Variants in SPAG16 observed in about 807,000 individuals in gnomAD.
SPAG16 encodes the protein sperm-associated antigen 16 protein.
SPAG16 carries 86 observed loss-of-function variants against 80.4 expected under a neutral mutation model. The ratio of observed to expected loss-of-function variants is 1.07; its 90% CI spans 0.90 to 1.28. SPAG16 has a LOEUF of 1.28. Ranked by LOEUF, SPAG16 falls within the 50% of genes most tolerant of loss-of-function variation. The pLI, the probability that SPAG16 is intolerant of heterozygous loss-of-function variation, is 0.00. For missense variants in SPAG16, 870 were observed against 765.3 expected, an observed-to-expected ratio of 1.14 and a Z score of -1.61; for synonymous variants, 294 against 265.9, an observed-to-expected ratio of 1.11 and a Z score of -1.03.
chr2:213,477,134 A>T (rs537283173), intron 9 of SPAG16, among the ~76,000 whole-genome samples: 1 of 152,242 alleles, frequency 6.6e-6, no homozygotes, highest in Non-Finnish European at 1.5e-5. Flanking sequence ...ACTGAGAGAG[A>T]GTAGATAAGA....
intron 10 of SPAG16, among the ~76,000 whole-genome samples, chr2:213,797,231 G>A (rs1442614919): frequency 6.6e-6 from 1 of 151,870 alleles, no homozygotes; most frequent in South Asian, 2.1e-4. Context: ...ATTTATCATT[G>A]AACAAAATTT....
chr2:214,219,297 G>A (rs536655171), intron 15 of SPAG16, among the ~76,000 whole-genome samples: 151 of 152,124 alleles, frequency 9.9e-4, no homozygotes, highest in Admixed American at 2.9e-3. Flanking sequence ...AGGAGAAACT[G>A]AAAAGTATTG....
At chr2:214,071,503 A>G (rs1353163845) in intron 13 of SPAG16, among the ~76,000 whole-genome samples, 2 of 152,272 alleles carry the variant, frequency 1.3e-5, no homozygotes, top group East Asian at 1.9e-4. Flanking sequence ...AATAATGAAA[A>G]CAACCAAAGG....
chr2:214,188,445 A>G (rs1202775603), intron 15 of SPAG16, among the ~76,000 whole-genome samples: 2 of 152,202 alleles, frequency 1.3e-5, no homozygotes, highest in Non-Finnish European at 2.9e-5. Context: ...AATTACATTT[A>G]GATCTGATTC....
chr2:213,429,653 G>A (rs1414879317), intron 9 of SPAG16, among the ~76,000 whole-genome samples: 2 of 152,124 alleles, frequency 1.3e-5, no homozygotes, highest in East Asian at 1.9e-4. Context: ...TTCTCAGGAG[G>A]ACATGAGTCT....
chr2:213,728,787 G>T (rs1017159994), intron 10 of SPAG16, among the ~76,000 whole-genome samples: 82 of 149,394 alleles, frequency 5.5e-4, no homozygotes, highest in Non-Finnish European at 7.8e-4. Flanking sequence ...TGAGGCAGGA[G>T]AATGGCACGA....
At chr2:214,284,644 G>C (rs1693213979) in intron 15 of SPAG16, among the ~76,000 whole-genome samples, 1 of 152,224 alleles carries the variant, frequency 6.6e-6, no homozygotes, top group South Asian at 2.1e-4. Context: ...GATGCAGAAA[G>C]TTAAGAGTAC....
chr2:214,175,610 A>T (rs2057053948), intron 15 of SPAG16, among the ~76,000 whole-genome samples: 2 of 151,432 alleles, frequency 1.3e-5, no homozygotes. Flanking sequence ...CTCAAAGCCA[A>T]AACAAAAAAG....
intron 15 of SPAG16, among the ~76,000 whole-genome samples, chr2:214,315,510 T>C (rs1695621517): frequency 1.8e-5 from 1 of 55,288 alleles, no homozygotes; most frequent in South Asian, 4.9e-4. Flanking sequence ...TTTTTATTTA[T>C]TTATTTATTT....
intron 12 of SPAG16, among the ~76,000 whole-genome samples, chr2:214,008,115 C>A (rs1022372404): frequency 6.6e-6 from 1 of 151,796 alleles, no homozygotes; most frequent in Non-Finnish European, 1.5e-5. Flanking sequence ...AATCTCTTTT[C>A]ATTCTCACTA....
chr2:213,995,739 G>A (rs2124826792), intron 12 of SPAG16, among the ~76,000 whole-genome samples: 1 of 152,250 alleles, frequency 6.6e-6, no homozygotes, highest in Non-Finnish European at 1.5e-5. Flanking sequence ...CAGCTTCATG[G>A]TAATGTGCCT....
chr2:213,285,380 A>T (rs1426049020), intron 1 of SPAG16, among the ~76,000 whole-genome samples: 4 of 152,176 alleles, frequency 2.6e-5, no homozygotes, highest in Non-Finnish European at 5.9e-5. Context: ...TCCTCTAGTT[A>T]TATAGATTAA....
At chr2:213,947,182 T>A (rs1173690948) in intron 12 of SPAG16, among the ~76,000 whole-genome samples, 1 of 152,208 alleles carries the variant, frequency 6.6e-6, no homozygotes, top group Non-Finnish European at 1.5e-5. Context: ...TGTTTGAACA[T>A]AAGTCTTCAT....
chr2:213,644,787 T>C (rs2062758542), intron 10 of SPAG16, among the ~76,000 whole-genome samples: 1 of 152,320 alleles, frequency 6.6e-6, no homozygotes, highest in South Asian at 2.1e-4. Context: ...ACCACTATGA[T>C]GGTACTGGGT....
chr2:213,854,508 T>G (rs1486264432), intron 10 of SPAG16, among the ~76,000 whole-genome samples: 1 of 152,212 alleles, frequency 6.6e-6, no homozygotes, highest in Non-Finnish European at 1.5e-5. Context: ...AATTAAGTTG[T>G]GGGCCATTCT....
intron 10 of SPAG16, among the ~76,000 whole-genome samples, chr2:213,507,612 C>T (rs2125799017): frequency 6.6e-6 from 1 of 152,302 alleles, no homozygotes; most frequent in Admixed American, 6.5e-5. Context: ...TGAGACAGGG[C>T]CTTATCAACT....
At chr2:213,832,821 A>C (rs981603010) in intron 10 of SPAG16, among the ~76,000 whole-genome samples, 1 of 152,120 alleles carries the variant, frequency 6.6e-6, no homozygotes, top group Non-Finnish European at 1.5e-5. Flanking sequence ...CACGTATGTA[A>C]ATCTTCGATT....
chr2:213,391,784 CTACTT>C (rs2067766753), intron 9 of SPAG16, among the ~76,000 whole-genome samples: 1 of 152,096 alleles, frequency 6.6e-6, no homozygotes, highest in African/African-American at 2.4e-5. Flanking sequence ...TACTTTTTAA[CTACTT>C]TAGCCATTTT....
intron 13 of SPAG16, among the ~76,000 whole-genome samples, chr2:214,055,880 A>G (rs1029480109): frequency 6.6e-6 from 1 of 152,208 alleles, no homozygotes; most frequent in Admixed American, 6.5e-5. Flanking sequence ...CCATGCAATC[A>G]TTTATGAAAG....
Sources: allele counts gnomAD v4.1 joint callset (sites outside exome capture counted in the v4.1 genomes callset), GRCh38; gene constraint gnomAD v4.1.1; transcripts MANE v1.5; gene names NCBI Gene and HGNC (gene_info 2026-07-23, HGNC 2026-07-21).